The following ATXN2 variants were observed in gnomAD, a reference collection of about 807,000 sequenced individuals.
ATXN2 encodes ataxin 2, also known as ataxin-2.
A neutral mutation model predicts 138.6 loss-of-function variants in ATXN2; 37 were observed. The observed-to-expected ratio is 0.27, with a 90% CI of 0.21 to 0.35. ATXN2 has a LOEUF of 0.35. Ranked by LOEUF, ATXN2 falls within the 10% of genes least tolerant of loss-of-function variation. ATXN2 has a pLI of 1.00. For synonymous variants in ATXN2, 549 were observed against 543.7 expected, an observed-to-expected ratio of 1.01 and a Z score of -0.13; for missense variants, 1,216 against 1,480.3, an observed-to-expected ratio of 0.82 and a Z score of 2.93.
chr12:111,490,067 G>T (rs1477026418), intron 14 of ATXN2, among the ~76,000 whole-genome samples: 1 of 151,736 alleles, frequency 6.6e-6, no homozygotes, highest in Non-Finnish European at 1.5e-5. Flanking sequence ...AATTAGCCAG[G>T]CGTGATGGCA....
chr12:111,508,022 C>A (rs548691976), intron 14 of ATXN2, among the ~76,000 whole-genome samples: 10 of 152,130 alleles, frequency 6.6e-5, no homozygotes, highest in Admixed American at 2.0e-4. Context: ...ACAAACACTG[C>A]GGAAGGCCGC....
At chr12:111,470,854 T>C (rs1876366999) in intron 18 of ATXN2, 112 bp from the exon 19 acceptor site, 1 of 1,123,088 alleles carries the variant, frequency 8.9e-7, no homozygotes, top group Admixed American at 2.1e-5. Context: ...GCGTCTCTGA[T>C]GCCATCTCAT....
At chr12:111,572,575 G>C (rs1015863510) in intron 1 of ATXN2, among the ~76,000 whole-genome samples, 2 of 152,124 alleles carry the variant, frequency 1.3e-5, no homozygotes, top group Non-Finnish European at 2.9e-5. Context: ...AGGTAGGCTA[G>C]GTTAAACCCA....
Position 111,598,884 on chromosome 12 carries a change from C to CGGCGGCGGGCGACGCTAGAAGGCCGCT in ATXN2, c.124_150dup (p.Ser42_Ala50dup). ...ACCGAGGACGAGGACGGCGAAGGCG[C>CGGCGGCGGGCGACGCTAGAAGGCCGCT]GGCGGCGGGCGACGCTAGAAGGCCG... On this transcript the variant is annotated inframe_insertion, in exon 1 of 25. Transcript: ENST00000673436. The surrounding 1 kb of genome is among the most constrained non-coding windows in gnomAD (Gnocchi z 4.5). The CGGCGGCGGGCGACGCTAGAAGGCCGCT allele has an allele frequency of 3.3e-6, 5 of 1,497,000 alleles. No individual in the cohort carries two copies. Among genetic ancestry groups the CGGCGGCGGGCGACGCTAGAAGGCCGCT allele is most frequent in the Middle Eastern group, 2.3e-4 (1 of 4,260 alleles). 92.7% of individuals were successfully genotyped at this position (1,497,000 alleles called of 1,614,324 possible). A position where few individuals can be genotyped will look rare whatever the true frequency, so the allele number is the denominator to read the frequency against.
rs372607430 is a variant in ATXN2, at chr12:111,552,476, A to G, written c.421-46T>C. The G allele has an allele frequency of 4.5e-5, 70 of 1,554,074 alleles. No individual in the cohort carries two copies. The highest frequency in any genetic ancestry group is 5.6e-5 in the African/African-American group (4 of 71,242). ...AAGTACTCCAAACCTTTACAAAATA[A>G]AATTTGTTAGGAATTCTTTAGCTCA... is the stretch of plus-strand genomic sequence containing the variant. On this transcript the variant is annotated intron_variant, in intron 4 of 24. Coordinates refer to ENST00000673436, the MANE Select transcript of ATXN2 (RefSeq NM_001372574.1). This position sits in a 1 kb window ranked among gnomAD's most constrained non-coding sequence, Gnocchi z 4.1.
chr12:111,495,732 C>T (rs1878379129), intron 14 of ATXN2, among the ~76,000 whole-genome samples: 1 of 152,092 alleles, frequency 6.6e-6, no homozygotes, highest in Admixed American at 6.6e-5. Flanking sequence ...CTCTATAGAC[C>T]AAATAGGCCC....
intron 14 of ATXN2, among the ~76,000 whole-genome samples, chr12:111,503,836 CGCCTCA>C (rs1878941472): frequency 6.6e-6 from 1 of 151,936 alleles, no homozygotes; most frequent in Non-Finnish European, 1.5e-5. Flanking sequence ...GTGATCCACC[CGCCTCA>C]GCCTCCCAAA....
chr12:111,556,595 A>G (rs1882401375), intron 1 of ATXN2, among the ~76,000 whole-genome samples: 1 of 152,080 alleles, frequency 6.6e-6, no homozygotes, highest in Non-Finnish European at 1.5e-5. Context: ...AGGTGGGCAG[A>G]TCACAAGGTC....
chr12:111,453,643 G>C lies in ATXN2; in HGVS notation c.3439+34C>G. ...ACCTGTGCGAGCAGAATGCTTTGGG[G>C]TGCCCCGGCGGCCCCTGCACACACA... On this transcript the variant is annotated intron_variant, in intron 24 of 24. Coordinates refer to ENST00000673436, the MANE Select transcript of ATXN2 (RefSeq NM_001372574.1). This position sits in a 1 kb window ranked among gnomAD's most constrained non-coding sequence, Gnocchi z 5.4. 1.3e-6 allele frequency: 2 copies of C among 1,508,888 alleles called. No homozygotes were observed. The highest frequency in any genetic ancestry group is 1.8e-6 in the Non-Finnish European group (2 of 1,124,798). 93.5% of individuals were successfully genotyped at this position (1,508,888 alleles called of 1,614,324 possible).
chr12:111,585,820 AAAAAAAAAAAC>A (rs1296106101), intron 1 of ATXN2, among the ~76,000 whole-genome samples: 2 of 149,410 alleles, frequency 1.3e-5, no homozygotes, highest in African/African-American at 5.0e-5. Flanking sequence ...AAAAAAAAAA[AAAAAAAAAAAC>A]CTCCCAGAAT....
intron 1 of ATXN2, among the ~76,000 whole-genome samples, chr12:111,560,106 G>C (rs1249262092): frequency 6.6e-6 from 1 of 152,144 alleles, no homozygotes; most frequent in Non-Finnish European, 1.5e-5. Context: ...GCGCAAATTT[G>C]ATCAGATCAG....
At chr12:111,481,166 C>T (rs957702676) in intron 18 of ATXN2, among the ~76,000 whole-genome samples, 9 of 151,964 alleles carry the variant, frequency 5.9e-5, no homozygotes, top group Non-Finnish European at 1.0e-4. Flanking sequence ...AAAAATGGGC[C>T]GAGCGCGGTG....
At position 111,596,224 on chromosome 12, in the gene ATXN2, AC is replaced by A. The variant is rs1884933594; in HGVS notation, c.251+2559del. 5.3e-5 allele frequency among the ~76,000 whole-genome samples: 8 copies of A among 151,674 alleles called. No homozygotes were observed. The South Asian group carries it at 1.7e-3, about 32-fold the overall frequency. On this transcript the variant is annotated intron_variant, in intron 1 of 24. Coordinates refer to ENST00000673436, the MANE Select transcript of ATXN2 (RefSeq NM_001372574.1). ...ATCCAAAACACACACACACACACACACACACACACACACACACACACAAAAT... is the reference window on the plus strand; with the variant it reads ...ATCCAAAACACACACACACACACACAACACACACACACACACACACAAAAT...
intron 23 of ATXN2, chr12:111,454,166 C>A (rs763901605): frequency 4.7e-6 from 1 of 211,438 alleles, no homozygotes; most frequent in Non-Finnish European, 9.3e-6. Context: ...AGATTAGACA[C>A]TGGATCCAAG....
At chr12:111,526,443 C>G (rs898009646) in intron 5 of ATXN2, among the ~76,000 whole-genome samples, 7 of 150,136 alleles carry the variant, frequency 4.7e-5, no homozygotes, top group African/African-American at 9.8e-5. Context: ...CTTGCTCTTT[C>G]ACCCAGACCG....
rs1178412443 is a variant in ATXN2, at chr12:111,552,539, ATC to A, written c.421-111_421-110del. 9.0e-7 allele frequency: 1 copy of A among 1,108,864 alleles called. No homozygotes were observed. The highest frequency in any genetic ancestry group is 1.2e-6 in the Non-Finnish European group (1 of 800,612). 68.7% of individuals were successfully genotyped at this position (1,108,864 alleles called of 1,614,324 possible). ...TTCTTATATGCCTTTGACAAAAATA[ATC>A]TCAAGAGAATCATACCCTTTTTCCC... On this transcript the variant is annotated intron_variant, in intron 4 of 24. Transcript: ENST00000673436. This position sits in a 1 kb window ranked among gnomAD's most constrained non-coding sequence, Gnocchi z 4.1.
At chr12:111,508,921 G>C (rs777335942) in intron 14 of ATXN2, among the ~76,000 whole-genome samples, 11 of 152,136 alleles carry the variant, frequency 7.2e-5, no homozygotes, top group Non-Finnish European at 1.5e-4. Context: ...CTTTGCCTTT[G>C]GTTCACTCAT....
intron 5 of ATXN2, among the ~76,000 whole-genome samples, chr12:111,551,139 A>G (rs1466032052): frequency 6.6e-6 from 1 of 152,116 alleles, no homozygotes; most frequent in Admixed American, 6.5e-5. Flanking sequence ...TCTACAAAAA[A>G]TACAAAAATT....
intron 1 of ATXN2, among the ~76,000 whole-genome samples, chr12:111,585,579 C>T (rs1379610604): frequency 6.0e-5 from 9 of 149,566 alleles, no homozygotes; most frequent in South Asian, 4.3e-4. Flanking sequence ...CTGAAGCAGG[C>T]GGATCACCTG....
Sources: gnomAD v4.1 joint callset for allele counts (sites outside exome capture counted in the v4.1 genomes callset) on GRCh38, gnomAD v4.1.1 for gene constraint, Gnocchi (gnomAD v3.1) non-coding constraint, MANE v1.5 for transcripts, NCBI Gene and HGNC (gene_info 2026-07-23, HGNC 2026-07-21) for gene names.